Variants in ALG5 observed in about 807,000 individuals in gnomAD.
ALG5 encodes dolichyl-phosphate beta-glucosyltransferase.
Under a neutral mutation model 51.8 loss-of-function variants are expected in ALG5, and 26 were observed. The observed-to-expected ratio is 0.50, with a 90% confidence interval of 0.37 to 0.70. ALG5 has a LOEUF of 0.70. Among genes scored for constraint, ALG5 ranks in the 30% least tolerant of loss-of-function variants. The pLI is 0.00. For synonymous variants in ALG5, 141 were observed against 136.1 expected, an observed-to-expected ratio of 1.04 and a Z score of -0.25; for missense variants, 311 against 399.3, an observed-to-expected ratio of 0.78 and a Z score of 1.88.
rs1377114073 is a variant in ALG5, at chr13:36,999,304, C to T, written c.-4G>A. ...GCTGCAACAGAAGCGGAGCCATTCT[C>T]CATGCCGTGGCAGCCCGCCCAATCC... is the stretch of plus-strand genomic sequence containing the variant. On this transcript the variant is annotated 5_prime_UTR_variant, in exon 1 of 10. Coordinates refer to ENST00000239891, the MANE Select transcript of ALG5 (RefSeq NM_013338.5). 6.4e-7 allele frequency: 1 copy of T among 1,571,008 alleles called. No individual in the cohort carries two copies. Among genetic ancestry groups the T allele is most frequent in the Non-Finnish European group, 8.6e-7 (1 of 1,161,746 alleles).
At position 36,950,031 on chromosome 13, in the gene ALG5, A is replaced by G; in HGVS notation, c.886T>C (p.Trp296Arg). ...AGTAGGTCTTTACCCATTTGTAGCC[A>G]GCTCCAGAATGGAACTAATTTAGAA... ...EGSKLVPFWS[W>R]LQMGKDLLFI... Residue 296 changes from tryptophan to arginine, a missense_variant, in exon 10 of 10, where the codon TGG becomes CGG. Coordinates refer to ENST00000239891, the MANE Select transcript of ALG5 (RefSeq NM_013338.5). The G allele has an allele frequency of 6.2e-7, 1 of 1,612,126 alleles. No homozygotes were observed.
intron 5 of ALG5, among the ~76,000 whole-genome samples, chr13:36,986,634 G>A (rs188914499): frequency 2.6e-5 from 4 of 152,232 alleles, no homozygotes; most frequent in South Asian, 4.1e-4. Context: ...TAGAACAAAT[G>A]CAAAAGGCTA....
chr13:36,981,397 C>A (rs2058978649), intron 6 of ALG5, among the ~76,000 whole-genome samples: 1 of 152,134 alleles, frequency 6.6e-6, no homozygotes, highest in African/African-American at 2.4e-5. Flanking sequence ...AACCCACGTT[C>A]CTGTTTCATT....
chr13:36,953,482 T>C (rs2058826787), intron 8 of ALG5, among the ~76,000 whole-genome samples: 1 of 152,216 alleles, frequency 6.6e-6, no homozygotes, highest in South Asian at 2.1e-4. Flanking sequence ...AGAAAAGCAC[T>C]ACTACCTGTT....
rs981883701 is a variant in ALG5 at position 36,965,525 on chromosome 13, A to C, written c.773+50T>G. Reference sequence around the variant, plus strand: ...ACAGGGCTGTTTCTCATTACCTAGAAGATGGCTGGGTCATAAGACAGACTG... The same window carrying C: ...ACAGGGCTGTTTCTCATTACCTAGACGATGGCTGGGTCATAAGACAGACTG... On this transcript the variant is annotated intron_variant, in intron 8 of 9. Transcript: ENST00000239891. The C allele has an allele frequency of 1.2e-5, 19 of 1,546,334 alleles. No individual in the cohort carries two copies. The East Asian group carries it at 4.3e-4, about 35-fold the overall frequency.
intron 6 of ALG5, among the ~76,000 whole-genome samples, chr13:36,976,487 G>A (rs1162156053): frequency 6.7e-6 from 1 of 148,434 alleles, no homozygotes; most frequent in Non-Finnish European, 1.5e-5. Flanking sequence ...GTGGTTCATG[G>A]CTATAATCCC....
At chr13:36,960,427 A>C (rs868434181) in intron 8 of ALG5, among the ~76,000 whole-genome samples, 16 of 152,246 alleles carry the variant, frequency 1.1e-4, no homozygotes, top group African/African-American at 2.7e-4. Flanking sequence ...TAAGCCTATC[A>C]AACTAACTAT....
intron 6 of ALG5, among the ~76,000 whole-genome samples, chr13:36,984,249 C>T (rs957474092): frequency 6.6e-6 from 1 of 152,016 alleles, no homozygotes; most frequent in African/African-American, 2.4e-5. Context: ...GACGCATACA[C>T]CACCACACCC....
At chr13:36,982,719 A>G (rs1001891183) in intron 6 of ALG5, among the ~76,000 whole-genome samples, 1 of 152,196 alleles carries the variant, frequency 6.6e-6, no homozygotes, top group African/African-American at 2.4e-5. Flanking sequence ...TGTCAGAACC[A>G]TATTTTTCAC....
At chr13:36,975,877 C>T (rs2138806444) in intron 6 of ALG5, among the ~76,000 whole-genome samples, 1 of 151,608 alleles carries the variant, frequency 6.6e-6, no homozygotes, top group South Asian at 2.1e-4. Context: ...AAAAATTGGC[C>T]AGGCATGGTA....
At chr13:36,962,102 T>G (rs1201846208) in intron 8 of ALG5, among the ~76,000 whole-genome samples, 1 of 152,170 alleles carries the variant, frequency 6.6e-6, no homozygotes, top group Non-Finnish European at 1.5e-5. Context: ...CCAAAAGTCT[T>G]AATTTTAGGT....
In ALG5 at chr13:36,949,939, A is replaced by C. The variant is rs1468575713; in HGVS notation, c.*3T>G. 1.9e-6 allele frequency: 3 copies of C among 1,598,172 alleles called. No homozygotes were observed. In the African/African-American group the frequency reaches 4.0e-5, roughly 21 times the overall value. ...AAGAACACAACTGAAGACTGCAAAC[A>C]ACCTAATTCATTTTCCGAGTTTGCT... On this transcript the variant is annotated 3_prime_UTR_variant, in exon 10 of 10. Transcript: ENST00000239891.
intron 6 of ALG5, among the ~76,000 whole-genome samples, chr13:36,974,720 A>G (rs9547710): frequency 2.1e-4 from 31 of 149,936 alleles, no homozygotes; most frequent in African/African-American, 3.2e-4. Context: ...AAGCCCCCCC[A>G]CCACCATCCC....
chr13:36,993,746 T>C, intron 3 of ALG5, 74 bp from the exon 4 acceptor site: 2 of 1,235,326 alleles, frequency 1.6e-6, no homozygotes, highest in Non-Finnish European at 1.2e-6. Flanking sequence ...TCACCAGTAA[T>C]TTAAAAAACA....
intron 6 of ALG5, among the ~76,000 whole-genome samples, chr13:36,984,013 T>C (rs2138817300): frequency 6.6e-6 from 1 of 152,242 alleles, no homozygotes; most frequent in African/African-American, 2.4e-5. Flanking sequence ...TGTAATAATA[T>C]TCAGTTCTAA....
chr13:36,999,189 A>C, intron 1 of ALG5, 46 bp downstream of exon 1: 1 of 1,505,536 alleles, frequency 6.6e-7, no homozygotes, highest in Non-Finnish European at 8.9e-7. Flanking sequence ...AGTCTCCAGG[A>C]GAGCGGTAAG....
intron 1 of ALG5, among the ~76,000 whole-genome samples, chr13:36,997,695 A>T (rs2059057960): frequency 6.6e-6 from 1 of 152,146 alleles, no homozygotes; most frequent in Non-Finnish European, 1.5e-5. Flanking sequence ...TGACCACTTT[A>T]TTGTGGTATT....
chr13:36,979,585 T>A (rs1374317256), intron 6 of ALG5, among the ~76,000 whole-genome samples: 1 of 152,208 alleles, frequency 6.6e-6, no homozygotes, highest in East Asian at 1.9e-4. Context: ...GCATTCAGGG[T>A]CATTAGTAAG....
chr13:36,997,437 G>A (rs1166880794), intron 1 of ALG5, among the ~76,000 whole-genome samples: 1 of 126,360 alleles, frequency 7.9e-6, no homozygotes, highest in Non-Finnish European at 1.5e-5. Flanking sequence ...CTGCACTCCA[G>A]CCTGGGTGAC....
Sources: gnomAD v4.1 joint callset for allele counts (sites outside exome capture counted in the v4.1 genomes callset) on GRCh38, gnomAD v4.1.1 for gene constraint, MANE v1.5 for transcripts, NCBI Gene and HGNC (gene_info 2026-07-23, HGNC 2026-07-21) for gene names.